The following NRDC variants were observed in gnomAD, a reference collection of about 807,000 sequenced individuals.
The protein encoded by NRDC is nardilysin.
In NRDC, 54 loss-of-function variants were observed where a neutral mutation model predicts 147.1. The observed-to-expected ratio is 0.37, with a 90% confidence interval of 0.29 to 0.46. NRDC has a LOEUF of 0.46. Ranked by LOEUF, NRDC falls within the 20% of genes least tolerant of loss-of-function variation. The pLI, the probability that NRDC is intolerant of heterozygous loss-of-function variation, is 1.00. For synonymous variants in NRDC, 440 were observed against 482.1 expected (o/e 0.91, Z 1.14); for missense variants, 1,082 against 1,370.6 (o/e 0.79, Z 3.33).
chr1:51,837,391 G>C, intron 2 of NRDC: 3 of 1,206,936 alleles, frequency 2.5e-6, no homozygotes, highest in Non-Finnish European at 3.3e-6. Flanking sequence ...CCATTTTGAA[G>C]ACTTAGGCAC....
chr1:51,856,989 C>T (rs11205899), intron 1 of NRDC, among the ~76,000 whole-genome samples: 37,015 of 151,678 alleles, frequency 0.24, 5,684 homozygotes, highest in Non-Finnish European at 0.34. Flanking sequence ...TAAGTCTAGA[C>T]ACATGAGACC....
At chr1:51,871,093 G>C (rs141831179) in intron 1 of NRDC, among the ~76,000 whole-genome samples, 194 of 152,214 alleles carry the variant, frequency 1.3e-3, no homozygotes, top group African/African-American at 4.5e-3. Flanking sequence ...GAGACAGGTG[G>C]ATCACCTGAG....
intron 1 of NRDC, 71 bp downstream of exon 1, chr1:51,878,204 A>G (rs1683426967): frequency 6.6e-7 from 1 of 1,509,428 alleles, no homozygotes; most frequent in Non-Finnish European, 9.0e-7. Flanking sequence ...CATGGAGACA[A>G]GAAGTGACGG....
In NRDC at chr1:51,814,745, A is replaced by G. The variant is rs747371761; in HGVS notation, c.1508T>C (p.Val503Ala). 1.9e-6 allele frequency: 3 copies of G among 1,612,262 alleles called. No individual in the cohort carries two copies. The East Asian group carries it at 6.7e-5, about 36-fold the overall frequency. The change falls in exon 12 of 31, where the codon GTG becomes GCG. Residue 503 changes from valine (V) to alanine (A), a missense_variant. Val to Ala is a moderately conservative substitution (Grantham distance 64). This residue lies in a region of NRDC where 635 missense variants were observed against 923.8 expected (regional missense o/e 0.69). Coordinates refer to ENST00000352171, the MANE Select transcript of NRDC (RefSeq NM_001101662.2). ...AGTCAATGTAATAGAAATGCTGAAC[A>G]CTGAATAAGTAGAATTTTGCTCAAA... ...TGFEQNSTYS[V>A]FSISITLTDE...
intron 3 of NRDC, among the ~76,000 whole-genome samples, chr1:51,834,833 T>G (rs1680874261): frequency 6.6e-6 from 1 of 152,206 alleles, no homozygotes. Context: ...ATATGCAGAT[T>G]AACTGCTACT....
chr1:51,839,577 A>G (rs1467187692), intron 2 of NRDC, among the ~76,000 whole-genome samples: 1 of 152,210 alleles, frequency 6.6e-6, no homozygotes, highest in African/African-American at 2.4e-5. Flanking sequence ...AAAAGATATT[A>G]AGAAATTCTC....
chr1:51,855,325 C>T (rs961928664), intron 1 of NRDC, among the ~76,000 whole-genome samples: 1 of 152,122 alleles, frequency 6.6e-6, no homozygotes, highest in African/African-American at 2.4e-5. Context: ...TGCTGCAAAA[C>T]CTCAGTGTGG....
At chr1:51,790,716 C>T (rs1678585942) in intron 28 of NRDC, 67 bp from the exon 29 acceptor site, 1 of 1,157,590 alleles carries the variant, frequency 8.6e-7, no homozygotes, top group Non-Finnish European at 1.3e-6. Flanking sequence ...ACACACTGGG[C>T]CCTGTCCAGC....
chr1:51,852,156 T>G (rs1681983786), intron 1 of NRDC, among the ~76,000 whole-genome samples: 1 of 152,122 alleles, frequency 6.6e-6, no homozygotes, highest in Admixed American at 6.6e-5. Flanking sequence ...TTTTCCTCTC[T>G]TTAAGCTGTC....
chr1:51,808,292 C>A (rs1398105429), intron 17 of NRDC, among the ~76,000 whole-genome samples: 2 of 152,202 alleles, frequency 1.3e-5, no homozygotes, highest in African/African-American at 4.8e-5. Flanking sequence ...TAAGAGACTG[C>A]TCCTCATTAC....
intron 2 of NRDC, chr1:51,837,458 G>C (rs774885146): frequency 2.0e-5 from 31 of 1,535,924 alleles, no homozygotes; most frequent in Non-Finnish European, 4.4e-6. Context: ...AATCTAACCT[G>C]TTCTGTGATG....
chr1:51,872,516 A>G (rs1198329597), intron 1 of NRDC, among the ~76,000 whole-genome samples: 3 of 152,158 alleles, frequency 2.0e-5, no homozygotes, highest in Admixed American at 6.6e-5. Flanking sequence ...TAGCCTGGGC[A>G]ACAGAGCGAA....
intron 1 of NRDC, among the ~76,000 whole-genome samples, chr1:51,857,604 C>T (rs569578228): frequency 6.6e-6 from 1 of 152,242 alleles, no homozygotes; most frequent in East Asian, 1.9e-4. Context: ...TTCTGAAGCT[C>T]GACAGATTTC....
chr1:51,844,705 C>T (rs1488213849), intron 1 of NRDC, among the ~76,000 whole-genome samples: 2 of 147,768 alleles, frequency 1.4e-5, no homozygotes, highest in African/African-American at 5.0e-5. Flanking sequence ...GATGGCGCCA[C>T]TGCACTCCAG....
intron 18 of NRDC, 142 bp from the exon 19 acceptor site, chr1:51,805,703 A>G: frequency 1.7e-6 from 1 of 584,364 alleles, no homozygotes; most frequent in Non-Finnish European, 3.0e-6. Flanking sequence ...TTTATTCTTA[A>G]GGGTCTTTAA....
At chr1:51,877,515 A>G (rs1053875131) in intron 1 of NRDC, among the ~76,000 whole-genome samples, 4 of 152,152 alleles carry the variant, frequency 2.6e-5, no homozygotes, top group African/African-American at 7.2e-5. Context: ...ACACACGCAC[A>G]CACACACACG....
chr1:51,847,282 G>A (rs1681687406), intron 1 of NRDC, among the ~76,000 whole-genome samples: 1 of 152,234 alleles, frequency 6.6e-6, no homozygotes, highest in South Asian at 2.1e-4. Context: ...GGTTCTCCGA[G>A]TCCCCACTAG....
chr1:51,818,254 T>G (rs1367126787), intron 9 of NRDC, 119 bp from the exon 10 acceptor site: 4 of 618,378 alleles, frequency 6.5e-6, no homozygotes, highest in Non-Finnish European at 1.0e-5. Context: ...TTAAGTACAA[T>G]GCAGTTATTG....
chr1:51,822,727 T>C (rs1680264460), intron 7 of NRDC, among the ~76,000 whole-genome samples: 1 of 152,214 alleles, frequency 6.6e-6, no homozygotes, highest in Admixed American at 6.5e-5. Context: ...ATACCAAATA[T>C]GGAATTGCCT....
Sources: gnomAD v4.1 joint callset for allele counts (sites outside exome capture counted in the v4.1 genomes callset) on GRCh38, gnomAD v4.1.1 for gene constraint, gnomAD v4.1.1 regional missense constraint, MANE v1.5 for transcripts, NCBI Gene and HGNC (gene_info 2026-07-23, HGNC 2026-07-21) for gene names.